MAPRE1: variants seen among roughly 807,000 people sequenced by gnomAD.
MAPRE1 encodes the protein microtubule associated protein RP/EB family member 1.
A neutral mutation model predicts 32.1 loss-of-function variants in MAPRE1; 5 were observed. The observed-to-expected ratio is 0.16, with a 90% CI of 0.08 to 0.33. The LOEUF (loss-of-function observed/expected upper bound fraction) is 0.33. MAPRE1 is among the 10% of genes least tolerant of loss of function. The pLI is 1.00. For missense variants in MAPRE1, 209 were observed against 327.2 expected, an observed-to-expected ratio of 0.64 and a Z score of 2.79; for synonymous variants, 122 against 118.9, an observed-to-expected ratio of 1.03 and a Z score of -0.17.
At chr20:32,843,451 A>G (rs927068662) in intron 5 of MAPRE1, 2 of 152,230 alleles carry the variant, frequency 1.3e-5, no homozygotes, top group African/African-American at 2.4e-5. Context: ...GTGCTGTCCA[A>G]TGAAGGTAGA....
chr20:32,822,374 C>G (rs1401290105), intron 1 of MAPRE1, among the ~76,000 whole-genome samples: 2 of 152,144 alleles, frequency 1.3e-5, no homozygotes, highest in Non-Finnish European at 2.9e-5. Flanking sequence ...AAGGGAGGCA[C>G]TTGCTGTGAT....
At chr20:32,828,142 C>G (rs62207057) in intron 2 of MAPRE1, among the ~76,000 whole-genome samples, 6,874 of 152,184 alleles carry the variant, frequency 0.045, 187 homozygotes, top group East Asian at 0.077. Flanking sequence ...GCATTAATTA[C>G]TTTGCTGATC....
At chr20:32,831,842 C>T (rs1983035492) in intron 2 of MAPRE1, among the ~76,000 whole-genome samples, 1 of 145,002 alleles carries the variant, frequency 6.9e-6, no homozygotes, top group African/African-American at 2.6e-5. Flanking sequence ...GCCAATTTTT[C>T]TTTTTTTTAA....
chr20:32,832,353 A>G (rs1350838006), intron 2 of MAPRE1, among the ~76,000 whole-genome samples: 1 of 151,368 alleles, frequency 6.6e-6, no homozygotes, highest in African/African-American at 2.4e-5. Flanking sequence ...TAGAGAAATA[A>G]TCTTCCTGGA....
Position 32,837,421 on chromosome 20 carries a change from A to G in MAPRE1, c.475+580A>G, listed in dbSNP as rs117236898. ...TGCTAGCAGAGTCAGGGGCGGGGGT[A>G]GGGGAGAGGCTGATTTTACATACCT... On this transcript the variant is annotated intron_variant, in intron 4 of 6. Transcript: ENST00000375571. Among the ~76,000 whole-genome samples, 910 of 152,204 alleles carry G rather than the reference A, an allele frequency of 6.0e-3. 3 individuals are homozygous for G. Among genetic ancestry groups the G allele is most frequent in the Non-Finnish European group, 8.6e-3 (583 of 67,994 alleles).
intron 4 of MAPRE1, 144 bp from the exon 5 acceptor site, chr20:32,839,591 A>T: frequency 9.0e-7 from 1 of 1,107,530 alleles, no homozygotes; most frequent in Non-Finnish European, 1.3e-6. Flanking sequence ...GTTGTCTTGC[A>T]TGCGGGGGCT....
chr20:32,827,982 C>T (rs1982912548), intron 2 of MAPRE1, among the ~76,000 whole-genome samples: 2 of 148,806 alleles, frequency 1.3e-5, no homozygotes, highest in South Asian at 4.2e-4. Flanking sequence ...TATTTTATAG[C>T]TGGGTCCTAG....
intron 5 of MAPRE1, among the ~76,000 whole-genome samples, chr20:32,842,694 TTGA>T (rs1366969573): frequency 6.6e-6 from 1 of 152,174 alleles, no homozygotes; most frequent in Non-Finnish European, 1.5e-5. Context: ...CTGCTAAGCG[TTGA>T]TGAGAGTACC....
At chr20:32,826,736 C>G (rs1009539960) in intron 2 of MAPRE1, among the ~76,000 whole-genome samples, 1 of 151,474 alleles carries the variant, frequency 6.6e-6, no homozygotes, top group African/African-American at 2.4e-5. Context: ...ACCATGAGGT[C>G]GAACTCGTGA....
At chr20:32,835,380 T>TTTTTTTTTTTTTA (rs1983166473) in intron 3 of MAPRE1, among the ~76,000 whole-genome samples, 1 of 147,714 alleles carries the variant, frequency 6.8e-6, no homozygotes, top group South Asian at 2.2e-4. Flanking sequence ...TTTTTTTTTT[T>TTTTTTTTTTTTTA]GAGATGAGGT....
chr20:32,839,792 G>A lies in MAPRE1; in HGVS notation c.533G>A (p.Gly178Asp), dbSNP rs773256853. Residue 178 changes from glycine to aspartate, a missense_variant, in exon 5 of 7, where the codon GGT (glycine) becomes GAT (aspartate). Coordinates refer to ENST00000375571, the MANE Select transcript of MAPRE1 (RefSeq NM_012325.3). Reference sequence around the variant, plus strand: ...GCTGCGGCTCCTAAGGCTGGCCCTGGTGTGGTGCGAAAGAACCCTGGTGTG... The same window carrying A: ...GCTGCGGCTCCTAAGGCTGGCCCTGATGTGGTGCGAAAGAACCCTGGTGTG... ...RTAAAPKAGPGVVRKNPGVGN... is the reference protein window; with the variant it reads ...RTAAAPKAGPDVVRKNPGVGN... 10 of 1,614,100 alleles carry A rather than the reference G, an allele frequency of 6.2e-6. No homozygotes were observed. The highest frequency in any genetic ancestry group is 1.1e-5 in the South Asian group (1 of 91,094).
Position 32,823,259 on chromosome 20 carries a change from C to T in MAPRE1, c.-3-2666C>T, listed in dbSNP as rs987475050. Among the ~76,000 whole-genome samples, 90 of 152,278 alleles carry T rather than the reference C, an allele frequency of 5.9e-4. 2 individuals carry two copies. The highest frequency in any genetic ancestry group is 1.6e-4 in the Non-Finnish European group (11 of 68,026). On this transcript the variant is annotated intron_variant, in intron 1 of 6. Coordinates refer to ENST00000375571, the MANE Select transcript of MAPRE1 (RefSeq NM_012325.3). ...TCAGGAGGCTTGCAGCAGCTTAGTG[C>T]AGGAGACTGATGTGGAAAGACCAAC...
At chr20:32,820,423 C>G (rs1322618320) in intron 1 of MAPRE1, among the ~76,000 whole-genome samples, 2 of 151,984 alleles carry the variant, frequency 1.3e-5, no homozygotes, top group Non-Finnish European at 1.5e-5. Context: ...GCCTGAGGGC[C>G]GAGAGATCGG....
intron 4 of MAPRE1, among the ~76,000 whole-genome samples, chr20:32,837,836 C>T (rs532817948): frequency 1.3e-5 from 2 of 152,280 alleles, no homozygotes; most frequent in African/African-American, 4.8e-5. Flanking sequence ...TAAATCCCAG[C>T]GCTTTGGGAG....
intron 2 of MAPRE1, 117 bp downstream of exon 2, chr20:32,826,165 A>C (rs2146122182): frequency 7.2e-6 from 6 of 835,406 alleles, no homozygotes; most frequent in South Asian, 6.3e-5. Context: ...TGTTAGGGCC[A>C]CCCTGTTTCT....
At chr20:32,824,889 C>T (rs1265613625) in intron 1 of MAPRE1, among the ~76,000 whole-genome samples, 2 of 151,660 alleles carry the variant, frequency 1.3e-5, no homozygotes, top group Non-Finnish European at 2.9e-5. Context: ...TGGTGGCTCA[C>T]GCCTGTAATC....
chr20:32,830,124 T>C (rs760729381), intron 2 of MAPRE1, among the ~76,000 whole-genome samples: 3 of 152,148 alleles, frequency 2.0e-5, no homozygotes, highest in Non-Finnish European at 4.4e-5. Context: ...TTCTCCTCCT[T>C]GTCTTCTCCC....
intron 4 of MAPRE1, 141 bp from the exon 5 acceptor site, chr20:32,839,594 C>T (rs542345771): frequency 4.6e-5 from 52 of 1,138,178 alleles, no homozygotes; most frequent in East Asian, 1.2e-4. Flanking sequence ...GTCTTGCATG[C>T]GGGGGCTCTC....
rs749678905 is a variant in MAPRE1 at position 32,833,808 on chromosome 20, C to T, written c.213C>T (p.Tyr71=). ...VKFQAKLEHE[Y]IQNFKILQAG... is the part of the protein sequence containing the mutation. ...TCCAAGCTAAGCTAGAACACGAGTA[C>T]ATCCAGAACTTCAAAATACTACAAG... The change falls in exon 3 of 7, where the codon TAC becomes TAT. Residue 71 remains tyrosine, a synonymous_variant. Transcript: ENST00000375571. 2.5e-6 allele frequency: 4 copies of T among 1,613,866 alleles called. No homozygotes were observed. Among genetic ancestry groups the T allele is most frequent in the East Asian group, 4.5e-5 (2 of 44,894 alleles).
Sources: allele counts gnomAD v4.1 joint callset (sites outside exome capture counted in the v4.1 genomes callset), GRCh38; gene constraint gnomAD v4.1.1; transcripts MANE v1.5; gene names NCBI Gene and HGNC (gene_info 2026-07-23, HGNC 2026-07-21).